The following NAB1 variants were observed in gnomAD, a reference collection of about 807,000 sequenced individuals.
NAB1 encodes the protein NGFI-A binding protein 1, also known as NGFI-A-binding protein 1.
NAB1 carries 25 observed loss-of-function variants against 49.9 expected under a neutral mutation model. The ratio of observed to expected loss-of-function variants is 0.50; its 90% confidence interval spans 0.37 to 0.70. The LOEUF (loss-of-function observed/expected upper bound fraction) is 0.70, where lower values mean the gene tolerates loss of function less well. NAB1 is among the 30% of genes least tolerant of loss of function. The pLI is 0.00. For synonymous variants in NAB1, 198 were observed against 215.6 expected, an observed-to-expected ratio of 0.92 and a Z score of 0.71; for missense variants, 489 against 575.9, an observed-to-expected ratio of 0.85 and a Z score of 1.54.
rs1483772935 is a variant in NAB1 at position 190,682,831 on chromosome 2, G to A, written c.1006-907G>A. On this transcript the variant is annotated intron_variant, in intron 6 of 9. Transcript: ENST00000337386. The surrounding 1 kb of genome is among the most constrained non-coding windows in gnomAD (Gnocchi z 4.1). ...TTAGTGCTGACAAGGAAATTGTCAT[G>A]TATTGCTTGTGGTATGATAAACTAG... 1.3e-5 allele frequency among the ~76,000 whole-genome samples: 2 copies of A among 152,178 alleles called. No homozygotes were observed. The highest frequency in any genetic ancestry group is 2.1e-4 in the South Asian group (1 of 4,828).
At chr2:190,660,654 A>G (rs1434852324) in intron 4 of NAB1, among the ~76,000 whole-genome samples, 3 of 152,202 alleles carry the variant, frequency 2.0e-5, no homozygotes, top group East Asian at 1.9e-4. Context: ...TGGTCAACAC[A>G]TATCTTTAAA....
rs1400736076 is a variant in NAB1, at chr2:190,667,457, A to G, written c.820-2869A>G. On this transcript the variant is annotated intron_variant, in intron 4 of 9. Transcript: ENST00000337386. The surrounding 1 kb of genome is among the most constrained non-coding windows in gnomAD (Gnocchi z 4.4). ...CCATGCTGAAACTGATTTATTTTGA[A>G]TATCATTATTTAAAGTATACATTTC... Among the ~76,000 whole-genome samples the G allele has an allele frequency of 6.6e-6, 1 of 152,226 alleles. No individual in the cohort carries two copies. The highest frequency in any genetic ancestry group is 1.5e-5 in the Non-Finnish European group (1 of 68,034).
At position 190,689,950 on chromosome 2, in the gene NAB1, AT is replaced by A. The variant is rs1249503159; in HGVS notation, c.1376-291del. Among the ~76,000 whole-genome samples, 1 of 81,364 alleles carries A rather than the reference AT, an allele frequency of 1.2e-5. No individual in the cohort carries two copies. The highest frequency in any genetic ancestry group is 2.6e-4 in the East Asian group (1 of 3,822). The allele number at this position is 81,364 out of a possible 152,430, so 53.4% of individuals were successfully genotyped here. On this transcript the variant is annotated intron_variant, in intron 9 of 9. Coordinates refer to ENST00000337386, the MANE Select transcript of NAB1 (RefSeq NM_005966.4). The surrounding 1 kb of genome is among the most constrained non-coding windows in gnomAD (Gnocchi z 4.3). Reference sequence around the variant, plus strand: ...GCCACTTTATGTAGATACTATTCCTATTTTATAAATGAAGACATTAAGGCTT... The same window carrying A: ...GCCACTTTATGTAGATACTATTCCTATTTATAAATGAAGACATTAAGGCTT...
rs1694315017 is a variant in NAB1 at position 190,663,235 on chromosome 2, A to G, written c.819+3240A>G. On this transcript the variant is annotated intron_variant, in intron 4 of 9. Transcript: ENST00000337386. The surrounding 1 kb of genome is among the most constrained non-coding windows in gnomAD (Gnocchi z 4.2). ...ACATTTTTCTAAGAATATCCATTTCATCTGAGTTTTCAAACTTAGTGGCGT... is the reference window on the plus strand; with the variant it reads ...ACATTTTTCTAAGAATATCCATTTCGTCTGAGTTTTCAAACTTAGTGGCGT... 6.6e-6 allele frequency among the ~76,000 whole-genome samples: 1 copy of G among 152,220 alleles called. No homozygotes were observed. The highest frequency in any genetic ancestry group is 2.1e-4 in the South Asian group (1 of 4,830).
At position 190,690,607 on chromosome 2, in the gene NAB1, A is replaced by T. The variant is rs1003840424; in HGVS notation, c.*274A>T. 6.6e-6 allele frequency: 2 copies of T among 304,944 alleles called. No homozygotes were observed. Among genetic ancestry groups the T allele is most frequent in the African/African-American group, 4.2e-5 (2 of 47,136 alleles). The allele number at this position is 304,944 out of a possible 1,614,324, so 18.9% of individuals were successfully genotyped here. ...TTTATATGGAAAGGCTTACAAATCAATATTGTAAGCATTCATTATTTAAGA... is the reference window on the plus strand; with the variant it reads ...TTTATATGGAAAGGCTTACAAATCATTATTGTAAGCATTCATTATTTAAGA... On this transcript the variant is annotated 3_prime_UTR_variant, in exon 10 of 10. Transcript: ENST00000337386.
rs968573673 is a variant in NAB1, at chr2:190,676,056, T to A, written c.1005+2904T>A. On this transcript the variant is annotated intron_variant, in intron 6 of 9. Coordinates refer to ENST00000337386, the MANE Select transcript of NAB1 (RefSeq NM_005966.4). The surrounding 1 kb of genome is among the most constrained non-coding windows in gnomAD (Gnocchi z 4.6). ...CACTCCCTTAAAACTTTTCACCAAG[T>A]ACTGGTGCTTTATGTCTACCTTCTA... Among the ~76,000 whole-genome samples the A allele has an allele frequency of 6.6e-6, 1 of 152,328 alleles. No individual in the cohort carries two copies. Among genetic ancestry groups the A allele is most frequent in the African/African-American group, 2.4e-5 (1 of 41,572 alleles).
Position 190,685,641 on chromosome 2 carries a change from A to C in NAB1, c.1258+3A>C. 6.3e-7 allele frequency: 1 copy of C among 1,599,250 alleles called. No individual in the cohort carries two copies. Among genetic ancestry groups the C allele is most frequent in the Non-Finnish European group, 8.5e-7 (1 of 1,173,144 alleles). The stretch of plus-strand genomic sequence containing the variant: ...TTCCGATAACTCAGATGGACAAGGT[A>C]CATCTTTAGAATATCCTATGCCTTT... On this transcript the variant is annotated splice_donor_region_variant and intron_variant, in intron 8 of 9. Transcript: ENST00000337386. This position sits in a 1 kb window ranked among gnomAD's most constrained non-coding sequence, Gnocchi z 4.5.
chr2:190,687,216 A>G lies in NAB1; in HGVS notation c.1274A>G (p.Asn425Ser), dbSNP rs1161448503. ...TTTTCATTAGGAGAAAGACCTTTGA[A>G]TCTCCGAATGCCTAATTTACAGAAC... is the stretch of plus-strand genomic sequence containing the variant. Reference protein sequence around the residue: ...NSDGQGERPLNLRMPNLQNRQ... With the variant: ...NSDGQGERPLSLRMPNLQNRQ... The change falls in exon 9 of 10, where the codon AAT becomes AGT. Residue 425 changes from asparagine (N) to serine (S), a missense_variant. This residue lies in a region of NAB1 where 212 missense variants were observed against 199.3 expected (regional missense o/e 1.06). Coordinates refer to ENST00000337386, the MANE Select transcript of NAB1 (RefSeq NM_005966.4). 6.3e-7 allele frequency: 1 copy of G among 1,581,420 alleles called. No individual in the cohort carries two copies.
chr2:190,687,395 C>CAA (rs60742412), intron 9 of NAB1, 78 bp downstream of exon 9: 401 of 161,690 alleles, frequency 2.5e-3, no homozygotes, highest in South Asian at 4.2e-3. Context: ...CCTCCCCCAT[C>CAA]AAAAAAAAAA....
rs1296002072 is a variant in NAB1 at position 190,669,793 on chromosome 2, T to C, written c.820-533T>C. On this transcript the variant is annotated intron_variant, in intron 4 of 9. Transcript: ENST00000337386. This position sits in a 1 kb window ranked among gnomAD's most constrained non-coding sequence, Gnocchi z 4.3. ...GTAGAATTAGATGGATCTTAGAGAT[T>C]AGTCCAACACCTTGATTTTCCAATA... is the stretch of plus-strand genomic sequence containing the variant. Among the ~76,000 whole-genome samples, 2 of 152,220 alleles carry C rather than the reference T, an allele frequency of 1.3e-5. No homozygotes were observed. The highest frequency in any genetic ancestry group is 2.9e-5 in the Non-Finnish European group (2 of 68,026).
chr2:190,688,607 A>G (rs1695740804), intron 9 of NAB1, among the ~76,000 whole-genome samples: 1 of 152,254 alleles, frequency 6.6e-6, no homozygotes, highest in Admixed American at 6.5e-5. Flanking sequence ...AGAAGACTCT[A>G]TGTAACAGGA....
chr2:190,655,660 A>G (rs1425807043), intron 2 of NAB1, among the ~76,000 whole-genome samples: 1 of 152,168 alleles, frequency 6.6e-6, no homozygotes, highest in Non-Finnish European at 1.5e-5. Context: ...TTCTCTAGTG[A>G]CAATTAAAGC....
intron 6 of NAB1, among the ~76,000 whole-genome samples, chr2:190,673,824 C>T (rs1694941751): frequency 1.3e-5 from 2 of 152,160 alleles, no homozygotes; most frequent in Admixed American, 1.3e-4. Context: ...GAAAAACATA[C>T]TTAGGACTCT....
At position 190,669,500 on chromosome 2, in the gene NAB1, T is replaced by G. The variant is rs1267115449; in HGVS notation, c.820-826T>G. Reference sequence around the variant, plus strand: ...CAGCTGGTAAATGATGAAGCAGGACTCTCCTCAGGTCTGTCTGCCATCACG... The same window carrying G: ...CAGCTGGTAAATGATGAAGCAGGACGCTCCTCAGGTCTGTCTGCCATCACG... On this transcript the variant is annotated intron_variant, in intron 4 of 9. Transcript: ENST00000337386. This position sits in a 1 kb window ranked among gnomAD's most constrained non-coding sequence, Gnocchi z 4.3. Among the ~76,000 whole-genome samples, 1 of 152,186 alleles carries G rather than the reference T, an allele frequency of 6.6e-6. No homozygotes were observed. Among genetic ancestry groups the G allele is most frequent in the African/African-American group, 2.4e-5 (1 of 41,448 alleles).
intron 2 of NAB1, among the ~76,000 whole-genome samples, chr2:190,653,260 T>C (rs564990134): frequency 3.3e-5 from 5 of 152,338 alleles, no homozygotes; most frequent in African/African-American, 1.2e-4. Context: ...TTTCCTATTT[T>C]CATTGTCCCC....
In NAB1 at chr2:190,684,334, T is replaced by G. The variant is rs746540586; in HGVS notation, c.1095+507T>G. Among the ~76,000 whole-genome samples, 62 of 152,230 alleles carry G rather than the reference T, an allele frequency of 4.1e-4. No individual in the cohort carries two copies. The highest frequency in any genetic ancestry group is 1.3e-3 in the Admixed American group (20 of 15,290). ...TACTGAAATTAAAATTTTAAAATGC[T>G]TTCTGCAAACATCATCTTTTAGAAA... is the stretch of plus-strand genomic sequence containing the variant. On this transcript the variant is annotated intron_variant, in intron 7 of 9. Coordinates refer to ENST00000337386, the MANE Select transcript of NAB1 (RefSeq NM_005966.4). This position sits in a 1 kb window ranked among gnomAD's most constrained non-coding sequence, Gnocchi z 4.6.
rs996090671 is a variant in NAB1, at chr2:190,659,874, G to A, written c.698G>A (p.Gly233Asp). 1.9e-6 allele frequency: 3 copies of A among 1,614,052 alleles called. No individual in the cohort carries two copies. In the African/African-American group the frequency reaches 4.0e-5, roughly 22 times the overall value. ...AACAAGAAGTTGGCCAAAATGATTG[G>A]TCACATCTTTGAGATGAACGATGAT... ...KTNKKLAKMI[G>D]HIFEMNDDDP... The change falls in exon 4 of 10, where the codon GGT becomes GAT. Residue 233 changes from glycine (G) to aspartate (D), a missense_variant. Physicochemically the swap from Gly to Asp is moderately conservative, Grantham distance 94 (BLOSUM62 -1). Transcript: ENST00000337386. This position sits in a 1 kb window ranked among gnomAD's most constrained non-coding sequence, Gnocchi z 6.2.
Position 190,683,790 on chromosome 2 carries a change from G to C in NAB1, c.1058G>C (p.Arg353Thr). 6.2e-7 allele frequency: 1 copy of C among 1,613,844 alleles called. No individual in the cohort carries two copies. Among genetic ancestry groups the C allele is most frequent in the Non-Finnish European group, 8.5e-7 (1 of 1,179,964 alleles). The change falls in exon 7 of 10, where the codon AGA (arginine) becomes ACA (threonine). Residue 353 changes from arginine to threonine, a missense_variant. Coordinates refer to ENST00000337386, the MANE Select transcript of NAB1 (RefSeq NM_005966.4). Reference sequence around the variant, plus strand: ...GTGCAAACACTCTTCCAGCAGGCTAGAGCTAAGAGTGAAGAACTTGCAGCT... The same window carrying C: ...GTGCAAACACTCTTCCAGCAGGCTACAGCTAAGAGTGAAGAACTTGCAGCT... ...DSVQTLFQQA[R>T]AKSEELAALS...
At chr2:190,671,704 T>G (rs563226157) in intron 5 of NAB1, among the ~76,000 whole-genome samples, 3 of 151,990 alleles carry the variant, frequency 2.0e-5, no homozygotes, top group East Asian at 3.9e-4. Context: ...CTCAGTTCCA[T>G]GTTCCAGAGG....
Sources: gnomAD v4.1 joint callset for allele counts (sites outside exome capture counted in the v4.1 genomes callset) on GRCh38, gnomAD v4.1.1 for gene constraint, gnomAD v4.1.1 regional missense constraint, Gnocchi (gnomAD v3.1) non-coding constraint, MANE v1.5 for transcripts, NCBI Gene and HGNC (gene_info 2026-07-23, HGNC 2026-07-21) for gene names.